Variants in SLC38A6 observed in about 807,000 individuals in gnomAD.
SLC38A6 encodes the protein solute carrier family 38 member 6.
In SLC38A6, 73 loss-of-function variants were observed where a neutral mutation model predicts 65.0. That is an observed-to-expected ratio of 1.12 (90% CI 0.93 to 1.37). The LOEUF is 1.37. Among genes scored for constraint, SLC38A6 ranks in the 40% most tolerant of loss-of-function variants. The pLI is 0.00. For synonymous variants in SLC38A6, 183 were observed against 178.8 expected (o/e 1.02, Z -0.19); for missense variants, 561 against 531.1 (o/e 1.06, Z -0.55).
intron 15 of SLC38A6, among the ~76,000 whole-genome samples, chr14:61,066,640 C>G (rs2043026951): frequency 6.6e-6 from 1 of 152,158 alleles, no homozygotes; most frequent in Non-Finnish European, 1.5e-5. Flanking sequence ...GGGATTGGTT[C>G]CAGGATCTCC....
chr14:61,048,512 G>A (rs979411813), intron 12 of SLC38A6, among the ~76,000 whole-genome samples: 3 of 152,132 alleles, frequency 2.0e-5, no homozygotes, highest in South Asian at 2.1e-4. Context: ...CCTCACATAT[G>A]TTATGGCTCA....
chr14:61,001,902 T>C lies in SLC38A6; in HGVS notation c.311-14002T>C, dbSNP rs146053983. On this transcript the variant is annotated intron_variant, in intron 3 of 15. Transcript: ENST00000267488. ...TTTTTATCTTCTGCCTTTATTATAC[T>C]AGCGCTTCTGTTCTTTCACCTTCCT... is the stretch of plus-strand genomic sequence containing the variant. The C allele has an allele frequency of 6.0e-4, 91 of 152,348 alleles. No homozygotes were observed. In the East Asian group the frequency reaches 0.017, roughly 29 times the overall value. The allele number at this position is 152,348 out of a possible 1,614,324, so 9.4% of individuals were successfully genotyped here. A position where few individuals can be genotyped will look rare whatever the true frequency, so the allele number is the denominator to read the frequency against.
intron 15 of SLC38A6, among the ~76,000 whole-genome samples, chr14:61,069,483 G>C (rs895929027): frequency 6.6e-6 from 1 of 151,794 alleles, no homozygotes; most frequent in Admixed American, 6.6e-5. Context: ...TGTTTTTTCT[G>C]TCTAGCACTT....
chr14:61,041,618 G>A lies in SLC38A6; in HGVS notation c.625-1529G>A, dbSNP rs143226497. ...GGGGAAAATATAAGAAACTGAATTT[G>A]GGCCTGTGCAGTGGCTCACGCCTGT... On this transcript the variant is annotated intron_variant, in intron 8 of 15. Transcript: ENST00000267488. 2.3e-3 allele frequency among the ~76,000 whole-genome samples: 345 copies of A among 152,196 alleles called. 2 individuals are homozygous for A. Among genetic ancestry groups the A allele is most frequent in the African/African-American group, 8.0e-3 (333 of 41,544 alleles).
chr14:61,033,237 C>T (rs540691713), intron 6 of SLC38A6, among the ~76,000 whole-genome samples: 2 of 151,798 alleles, frequency 1.3e-5, no homozygotes, highest in East Asian at 1.9e-4. Flanking sequence ...CCATTCCTTT[C>T]GAGAATGAAA....
chr14:61,034,287 C>T (rs2041196096), intron 6 of SLC38A6: 1 of 152,070 alleles, frequency 6.6e-6, no homozygotes, highest in African/African-American at 2.4e-5. Context: ...ATTAAATGCT[C>T]CCTTTTGTAC....
At chr14:61,069,511 C>G (rs1012857523) in intron 15 of SLC38A6, among the ~76,000 whole-genome samples, 5 of 151,936 alleles carry the variant, frequency 3.3e-5, no homozygotes, top group Non-Finnish European at 7.4e-5. Context: ...CTTTTATTAC[C>G]CTCTTCTATA....
intron 3 of SLC38A6, among the ~76,000 whole-genome samples, chr14:61,012,124 G>T (rs1227738528): frequency 6.6e-6 from 1 of 152,178 alleles, no homozygotes; most frequent in Non-Finnish European, 1.5e-5. Flanking sequence ...GGGTGTATGT[G>T]TCAAGGAATT....
At chr14:61,038,209 G>A (rs2041532276) in intron 8 of SLC38A6, among the ~76,000 whole-genome samples, 2 of 151,894 alleles carry the variant, frequency 1.3e-5, no homozygotes, top group African/African-American at 4.8e-5. Context: ...TTCTTCACAT[G>A]TGGGATATAT....
intron 15 of SLC38A6, among the ~76,000 whole-genome samples, chr14:61,063,638 G>A (rs1216012098): frequency 1.3e-5 from 2 of 152,158 alleles, no homozygotes; most frequent in African/African-American, 4.8e-5. Flanking sequence ...TTTTGCAGGT[G>A]CACCTTTGCT....
chr14:61,016,007 C>G (rs1291761369), intron 4 of SLC38A6, 51 bp downstream of exon 4: 56 of 1,450,212 alleles, frequency 3.9e-5, no homozygotes, highest in Non-Finnish European at 5.0e-5. Context: ...GGCATTTTTC[C>G]TTTTGTTTCA....
At chr14:61,029,081 A>C (rs2139649048) in intron 5 of SLC38A6, among the ~76,000 whole-genome samples, 1 of 151,962 alleles carries the variant, frequency 6.6e-6, no homozygotes, top group South Asian at 2.1e-4. Flanking sequence ...AAGTTTTGTA[A>C]GGAGAAAGTG....
chr14:61,006,075 G>A (rs1159808317), intron 3 of SLC38A6, among the ~76,000 whole-genome samples: 2 of 152,140 alleles, frequency 1.3e-5, no homozygotes, highest in Non-Finnish European at 2.9e-5. Flanking sequence ...CAAGCAATGG[G>A]GAAGGGATTC....
intron 15 of SLC38A6, among the ~76,000 whole-genome samples, chr14:61,065,708 G>A (rs1025356039): frequency 1.1e-4 from 16 of 152,172 alleles, no homozygotes; most frequent in African/African-American, 2.4e-5. Context: ...TCATTTTAGG[G>A]CCTGGGAATA....
intron 6 of SLC38A6, among the ~76,000 whole-genome samples, chr14:61,035,405 A>C (rs1315531902): frequency 6.6e-6 from 1 of 152,150 alleles, no homozygotes; most frequent in East Asian, 1.9e-4. Context: ...AAGCCACGTA[A>C]CATTCCATTG....
At chr14:61,067,172 T>A (rs2043048170) in intron 15 of SLC38A6, among the ~76,000 whole-genome samples, 1 of 152,192 alleles carries the variant, frequency 6.6e-6, no homozygotes. Context: ...TCTGTCTCTT[T>A]CTATATCTTT....
intron 4 of SLC38A6, among the ~76,000 whole-genome samples, chr14:61,018,045 T>A (rs1041564871): frequency 6.6e-6 from 1 of 152,206 alleles, no homozygotes. Context: ...CTTTGTACCA[T>A]GTACTGTGCT....
rs143574562 is a variant in SLC38A6, at chr14:61,026,251, T to A, written c.404-4194T>A. Among the ~76,000 whole-genome samples, 1,358 of 152,230 alleles carry A rather than the reference T, an allele frequency of 8.9e-3. 15 individuals are homozygous for A. Among genetic ancestry groups the A allele is most frequent in the Non-Finnish European group, 0.01 (699 of 67,992 alleles). On this transcript the variant is annotated intron_variant, in intron 5 of 15. Transcript: ENST00000267488. ...ATACAGTATTTGGAAGCACAGAGAC[T>A]GATTTTTATTTTTTGGATTTCAGTG...
chr14:61,006,417 A>G (rs1023022200), intron 3 of SLC38A6, among the ~76,000 whole-genome samples: 6 of 152,190 alleles, frequency 3.9e-5, no homozygotes, highest in Non-Finnish European at 5.9e-5. Flanking sequence ...GAAAATTTTC[A>G]CAACCTACTC....
Sources: allele counts gnomAD v4.1 joint callset (sites outside exome capture counted in the v4.1 genomes callset), GRCh38; gene constraint gnomAD v4.1.1; transcripts MANE v1.5; gene names NCBI Gene and HGNC (gene_info 2026-07-23, HGNC 2026-07-21).